The following ZNF131 variants were observed in gnomAD, a reference collection of about 807,000 sequenced individuals.
The protein encoded by ZNF131 is zinc finger and BTB domain containing 35, also known as zinc finger protein 131.
ZNF131 carries 7 observed loss-of-function variants against 60.0 expected under a neutral mutation model. The ratio of observed to expected loss-of-function variants is 0.12; its 90% CI spans 0.07 to 0.22. The LOEUF (loss-of-function observed/expected upper bound fraction) is 0.22. ZNF131 is among the 10% of genes least tolerant of loss of function. The pLI is 1.00. For synonymous variants in ZNF131, 257 were observed against 253.2 expected (o/e 1.01, Z -0.14); for missense variants, 493 against 740.9 (o/e 0.67, Z 3.88).
At chr5:43,154,110 A>G (rs1748664489) in intron 4 of ZNF131, among the ~76,000 whole-genome samples, 2 of 152,136 alleles carry the variant, frequency 1.3e-5, no homozygotes, top group Non-Finnish European at 2.9e-5. Context: ...CAACAGTGTA[A>G]CCTAAAGAAG....
chr5:43,173,574 AAAG>A (rs1275454171), intron 6 of ZNF131, 126 bp downstream of exon 6: 5 of 1,229,610 alleles, frequency 4.1e-6, no homozygotes, highest in Admixed American at 3.0e-5. Flanking sequence ...AAATGAGAAT[AAAG>A]AACATTATTG....
intron 5 of ZNF131, among the ~76,000 whole-genome samples, chr5:43,166,603 A>AC (rs1010177987): frequency 8.0e-5 from 12 of 149,824 alleles, no homozygotes; most frequent in Admixed American, 4.7e-4. Flanking sequence ...CTCGTGATCC[A>AC]CCCCCCTCGG....
intron 4 of ZNF131, among the ~76,000 whole-genome samples, chr5:43,153,018 C>T (rs999159394): frequency 1.3e-5 from 2 of 152,128 alleles, no homozygotes; most frequent in African/African-American, 2.4e-5. Context: ...TCCAGTCATC[C>T]CCTCCTCTTA....
intron 3 of ZNF131, among the ~76,000 whole-genome samples, chr5:43,132,517 T>A: frequency 6.8e-6 from 1 of 147,036 alleles, no homozygotes; most frequent in Non-Finnish European, 1.5e-5. Context: ...TTTTTTTTTT[T>A]TTTTTTTTTT....
At chr5:43,141,079 C>G (rs1009024603) in intron 4 of ZNF131, among the ~76,000 whole-genome samples, 3 of 152,080 alleles carry the variant, frequency 2.0e-5, no homozygotes, top group Non-Finnish European at 4.4e-5. Context: ...CTGAACTGTA[C>G]TCGTCCATAA....
chr5:43,154,275 G>A lies in ZNF131; in HGVS notation c.372-6974G>A, dbSNP rs1194129868. On this transcript the variant is annotated intron_variant, in intron 4 of 6. Coordinates refer to ENST00000682664, the MANE Select transcript of ZNF131 (RefSeq NM_001330707.2). ...AAAAATACAAAAACGTTAGCCAGGC[G>A]TGGTGGCGTGCACCTGTAATCTCAG... Among the ~76,000 whole-genome samples, 5 of 152,102 alleles carry A rather than the reference G, an allele frequency of 3.3e-5. No homozygotes were observed. The East Asian group carries it at 5.8e-4, about 18-fold the overall frequency.
chr5:43,158,921 C>A (rs921421882), intron 4 of ZNF131, among the ~76,000 whole-genome samples: 1 of 151,814 alleles, frequency 6.6e-6, no homozygotes, highest in Non-Finnish European at 1.5e-5. Flanking sequence ...ACTCTACTTG[C>A]AAGCCTACAA....
At chr5:43,142,235 C>T (rs1226185122) in intron 4 of ZNF131, among the ~76,000 whole-genome samples, 1 of 150,258 alleles carries the variant, frequency 6.7e-6, no homozygotes, top group Non-Finnish European at 1.5e-5. Context: ...CCCAGCTACT[C>T]GGGAGGCTGA....
intron 1 of ZNF131, chr5:43,121,797 C>T (rs1481001789): frequency 3.2e-6 from 1 of 308,656 alleles, no homozygotes; most frequent in Middle Eastern, 9.7e-4. Context: ...GTGCCCACCC[C>T]GCTCTAGCTC....
rs190889586 is a variant in ZNF131, at chr5:43,160,647, C to G, written c.372-602C>G. Reference sequence around the variant, plus strand: ...TATTTTTCCCATACACATAATTGTTCTAGCATCACTGTTAAATGATTAGCT... The same window carrying G: ...TATTTTTCCCATACACATAATTGTTGTAGCATCACTGTTAAATGATTAGCT... On this transcript the variant is annotated intron_variant, in intron 4 of 6. Coordinates refer to ENST00000682664, the MANE Select transcript of ZNF131 (RefSeq NM_001330707.2). 1.2e-3 allele frequency among the ~76,000 whole-genome samples: 171 copies of G among 144,196 alleles called. 2 individuals are homozygous for G. The highest frequency in any genetic ancestry group is 5.8e-3 in the Admixed American group (83 of 14,340). The allele number at this position is 144,196 out of a possible 152,430, so 94.6% of individuals were successfully genotyped here.
chr5:43,159,284 GT>G, intron 4 of ZNF131, among the ~76,000 whole-genome samples: 1 of 152,206 alleles, frequency 6.6e-6, no homozygotes, highest in East Asian at 1.9e-4. Flanking sequence ...CAAACCGAAA[GT>G]TTTCAGTTCA....
chr5:43,131,844 G>C (rs527445039), intron 3 of ZNF131, among the ~76,000 whole-genome samples: 1 of 151,980 alleles, frequency 6.6e-6, no homozygotes, highest in South Asian at 2.1e-4. Flanking sequence ...AGTATTATGA[G>C]TAAGAGATTG....
intron 5 of ZNF131, among the ~76,000 whole-genome samples, chr5:43,164,726 G>C (rs1478185338): frequency 1.3e-5 from 2 of 152,126 alleles, no homozygotes; most frequent in Non-Finnish European, 2.9e-5. Context: ...TTGGACAGCA[G>C]AATATAGGGT....
chr5:43,136,650 C>CTTTTTTTTTTTTT (rs139991070), intron 3 of ZNF131, among the ~76,000 whole-genome samples: 2 of 122,510 alleles, frequency 1.6e-5, no homozygotes, highest in African/African-American at 3.0e-5. Context: ...TTTTCTTTTT[C>CTTTTTTTTTTTTT]TTTTTTTTTT....
At chr5:43,151,133 C>G (rs1748254201) in intron 4 of ZNF131, among the ~76,000 whole-genome samples, 2 of 152,148 alleles carry the variant, frequency 1.3e-5, no homozygotes, top group African/African-American at 4.8e-5. Flanking sequence ...AAACCTGGCC[C>G]CAGTGGCTTG....
intron 4 of ZNF131, among the ~76,000 whole-genome samples, chr5:43,154,190 TTGTC>T (rs1561426188): frequency 6.6e-6 from 1 of 152,126 alleles, no homozygotes. Flanking sequence ...GGTGGGCAGA[TTGTC>T]TGAGGTCAGG....
chr5:43,142,599 C>G (rs71590635), intron 4 of ZNF131, among the ~76,000 whole-genome samples: 1 of 151,868 alleles, frequency 6.6e-6, no homozygotes, highest in Non-Finnish European at 1.5e-5. Flanking sequence ...CCATGGCACC[C>G]GGCCAAAAAT....
chr5:43,142,340 G>A (rs554315751), intron 4 of ZNF131, among the ~76,000 whole-genome samples: 19 of 140,392 alleles, frequency 1.4e-4, no homozygotes, highest in African/African-American at 4.8e-4. Context: ...AGACTCCATC[G>A]CCCAGACTGG....
chr5:43,122,458 G>A (rs1579686168), intron 2 of ZNF131, among the ~76,000 whole-genome samples: 1 of 152,228 alleles, frequency 6.6e-6, no homozygotes, highest in East Asian at 1.9e-4. Context: ...GATGTCGTTG[G>A]GGACAGATTG....
Sources: gnomAD v4.1 joint callset for allele counts (sites outside exome capture counted in the v4.1 genomes callset) on GRCh38, gnomAD v4.1.1 for gene constraint, MANE v1.5 for transcripts, NCBI Gene and HGNC (gene_info 2026-07-23, HGNC 2026-07-21) for gene names.